Variants in BRD10 observed in about 807,000 individuals in gnomAD.
The protein encoded by BRD10 is uncharacterized bromodomain-containing protein 10.
the BRD10 span, among the ~76,000 whole-genome samples, chr9:5,907,876 C>T: frequency 6.6e-6 from 1 of 152,158 alleles, no homozygotes; most frequent in Admixed American, 6.5e-5. Flanking sequence ...TCACTTGAAC[C>T]CGGGAGGTGG....
chr9:5,954,862 A>C, the BRD10 span, among the ~76,000 whole-genome samples: 1 of 152,270 alleles, frequency 6.6e-6, no homozygotes, highest in Non-Finnish European at 1.5e-5. Context: ...AGGCCAAGGC[A>C]GGCGGATCAC....
the BRD10 span, among the ~76,000 whole-genome samples, chr9:5,995,813 T>G: frequency 1.3e-5 from 2 of 152,322 alleles, no homozygotes; most frequent in East Asian, 1.9e-4. Flanking sequence ...TCAAATATAT[T>G]CATCAAAATA....
chr9:5,920,211 G>T, the BRD10 span: 2 of 1,613,864 alleles, frequency 1.2e-6, no homozygotes, highest in Non-Finnish European at 1.7e-6. Flanking sequence ...TGAATGCCTT[G>T]GCCACTGTTA....
chr9:5,911,406 T>TG, the BRD10 span, among the ~76,000 whole-genome samples: 1,057 of 67,882 alleles, frequency 0.016, 14 homozygotes, highest in African/African-American at 0.05. Context: ...TCTATGTGTG[T>TG]TTTTTTTTTT....
At chr9:5,907,084 G>A in the BRD10 span, 2 of 940,128 alleles carry the variant, frequency 2.1e-6, no homozygotes, top group Non-Finnish European at 3.1e-6. Context: ...TAAAAAGCAA[G>A]GACAATGTGA....
At chr9:5,985,427 G>T in the BRD10 span, among the ~76,000 whole-genome samples, 1 of 152,092 alleles carries the variant, frequency 6.6e-6, no homozygotes, top group South Asian at 2.1e-4. Context: ...TGAAAATGAA[G>T]GCCATGGACT....
At chr9:5,988,295 C>A in the BRD10 span, 22 of 1,365,894 alleles carry the variant, frequency 1.6e-5, no homozygotes, top group Non-Finnish European at 2.2e-5. Context: ...CTGATATGGG[C>A]ACATAAAAAT....
At chr9:5,901,188 T>C in the BRD10 span, among the ~76,000 whole-genome samples, 5 of 152,290 alleles carry the variant, frequency 3.3e-5, no homozygotes, top group South Asian at 2.1e-4. Context: ...TATTTTTTTT[T>C]CCCAATCAGT....
the BRD10 span, among the ~76,000 whole-genome samples, chr9:5,949,727 G>A: frequency 2.0e-5 from 3 of 152,004 alleles, no homozygotes; most frequent in East Asian, 1.9e-4. Context: ...ATGTTATTGA[G>A]ACTCAACACA....
chr9:5,921,392 A>C, the BRD10 span: 2 of 1,613,952 alleles, frequency 1.2e-6, no homozygotes, highest in Admixed American at 3.3e-5. Flanking sequence ...TGCTTTATGC[A>C]ATGGAGGAGG....
the BRD10 span, among the ~76,000 whole-genome samples, chr9:5,893,359 GGTCT>G: frequency 5.3e-5 from 8 of 152,126 alleles, no homozygotes; most frequent in African/African-American, 1.7e-4. Context: ...CCTCTTATGT[GGTCT>G]GTCCAGAACT....
the BRD10 span, among the ~76,000 whole-genome samples, chr9:5,937,842 T>C: frequency 6.6e-6 from 1 of 152,230 alleles, no homozygotes; most frequent in African/African-American, 2.4e-5. Flanking sequence ...GAGTAGAATA[T>C]GAATGAAGAT....
the BRD10 span, among the ~76,000 whole-genome samples, chr9:5,980,347 T>C: frequency 7.0e-4 from 106 of 152,314 alleles, 1 homozygote; most frequent in African/African-American, 2.4e-3. Flanking sequence ...TTTCTCAGTA[T>C]TTATTCCTCT....
the BRD10 span, among the ~76,000 whole-genome samples, chr9:5,945,706 T>A: frequency 6.6e-6 from 1 of 152,096 alleles, no homozygotes; most frequent in Non-Finnish European, 1.5e-5. Flanking sequence ...TATTAGTAAC[T>A]ACATCTTAGT....
chr9:6,000,067 G>A, the BRD10 span, among the ~76,000 whole-genome samples: 2 of 152,010 alleles, frequency 1.3e-5, no homozygotes, highest in African/African-American at 4.8e-5. Context: ...AGAATATCTA[G>A]GACATATAGA....
At chr9:5,917,566 G>A in the BRD10 span, among the ~76,000 whole-genome samples, 1 of 152,234 alleles carries the variant, frequency 6.6e-6, no homozygotes, top group Non-Finnish European at 1.5e-5. Flanking sequence ...GGGTGCAGTG[G>A]CTCACACCTA....
At chr9:5,886,514 G>T in the BRD10 span, among the ~76,000 whole-genome samples, 2 of 152,198 alleles carry the variant, frequency 1.3e-5, no homozygotes. Flanking sequence ...TTTCAGATGC[G>T]TGCACTGGGG....
the BRD10 span, chr9:5,922,969 C>G: frequency 6.2e-7 from 1 of 1,613,986 alleles, no homozygotes; most frequent in Non-Finnish European, 8.5e-7. Flanking sequence ...TCTTTGCAAG[C>G]AAAGCCTGAA....
the BRD10 span, among the ~76,000 whole-genome samples, chr9:5,884,246 G>A: frequency 1.3e-5 from 2 of 152,262 alleles, no homozygotes; most frequent in African/African-American, 4.8e-5. Flanking sequence ...TTCATGACAC[G>A]GGAAAATAGA....
Sources: gnomAD v4.1 joint callset for allele counts (sites outside exome capture counted in the v4.1 genomes callset) on GRCh38, gnomAD v4.1.1 for gene constraint, MANE v1.5 for transcripts, NCBI Gene and HGNC (gene_info 2026-07-23, HGNC 2026-07-21) for gene names.